DCBLD1: variants seen among roughly 807,000 people sequenced by gnomAD.
DCBLD1 encodes discoidin, CUB and LCCL domain-containing protein 1.
Under a neutral mutation model 71.5 loss-of-function variants are expected in DCBLD1, and 57 were observed. That is an observed-to-expected ratio of 0.80 (90% CI 0.64 to 0.99). The LOEUF is 0.99. DCBLD1 is among the 50% of genes least tolerant of loss of function. The pLI is 0.00. For missense variants in DCBLD1, 891 were observed against 923.5 expected, an observed-to-expected ratio of 0.96 and a Z score of 0.46; for synonymous variants, 380 against 363.8, an observed-to-expected ratio of 1.04 and a Z score of -0.51.
rs1341502140 is a variant in DCBLD1, at chr6:117,541,002, T to A, written c.1334T>A (p.Ile445Asn). ...KKEDETITRP[I>N]PSEETSTGIN... ...GAAGATGAGACAATCACAAGGCCCATCCCCTCGGAAGAAACATCCACAGGT... is the reference window on the plus strand; with the variant it reads ...GAAGATGAGACAATCACAAGGCCCAACCCCTCGGAAGAAACATCCACAGGT... Residue 445 changes from isoleucine (I) to asparagine (N), a missense_variant, in exon 11 of 15, where the codon ATC becomes AAC. Transcript: ENST00000338728. 2 of 1,614,120 alleles carry A rather than the reference T, an allele frequency of 1.2e-6. No homozygotes were observed. Among genetic ancestry groups the A allele is most frequent in the Non-Finnish European group, 8.5e-7 (1 of 1,180,018 alleles).
intron 2 of DCBLD1, among the ~76,000 whole-genome samples, chr6:117,512,079 G>T (rs530548826): frequency 1.5e-4 from 23 of 152,228 alleles, no homozygotes; most frequent in African/African-American, 5.3e-4. Flanking sequence ...GCCTCAAGGA[G>T]AAAAAGCTAT....
chr6:117,521,598 GTGT>G (rs1562447714), intron 4 of DCBLD1, 22 bp downstream of exon 4: 1 of 968,944 alleles, frequency 1.0e-6, no homozygotes, highest in Non-Finnish European at 1.4e-6. Context: ...TATCCTAACT[GTGT>G]TGCAGTCGTG....
intron 4 of DCBLD1, among the ~76,000 whole-genome samples, chr6:117,524,286 G>A (rs117232453): frequency 0.037 from 5,516 of 150,124 alleles, 236 homozygotes; most frequent in South Asian, 0.18. Flanking sequence ...TGCAAACTCC[G>A]CCTCCCAGGT....
intron 6 of DCBLD1, among the ~76,000 whole-genome samples, chr6:117,534,247 C>CAT (rs143748540): frequency 0.11 from 17,092 of 152,212 alleles, 1,098 homozygotes; most frequent in Middle Eastern, 0.16. Flanking sequence ...TAAAATTATA[C>CAT]ATATATACAC....
chr6:117,540,436 T>G, intron 9 of DCBLD1: 1 of 484,380 alleles, frequency 2.1e-6, no homozygotes, highest in South Asian at 2.9e-5. Flanking sequence ...CAATTTTAGC[T>G]TCTTTATCCA....
intron 7 of DCBLD1, among the ~76,000 whole-genome samples, chr6:117,537,512 T>C (rs146735226): frequency 0.091 from 13,277 of 145,680 alleles, 689 homozygotes; most frequent in African/African-American, 0.15. Flanking sequence ...CCAGCCTGGG[T>C]AACAGAGCGA....
Position 117,549,433 on chromosome 6 carries a change from C to G in DCBLD1, c.*994C>G. 1.0e-6 allele frequency: 1 copy of G among 985,342 alleles called. No homozygotes were observed. The highest frequency in any genetic ancestry group is 1.7e-5 in the African/African-American group (1 of 57,308). 61.0% of individuals were successfully genotyped at this position (985,342 alleles called of 1,614,324 possible). On this transcript the variant is annotated 3_prime_UTR_variant, in exon 15 of 15. Coordinates refer to ENST00000338728, the MANE Select transcript of DCBLD1 (RefSeq NM_001366458.2). Reference sequence around the variant, plus strand: ...TCATTTTATAAGAAATGATTTTCCCCTCAAGGAGGCGTCTGTAATTCCAGA... The same window carrying G: ...TCATTTTATAAGAAATGATTTTCCCGTCAAGGAGGCGTCTGTAATTCCAGA...
At chr6:117,551,750 A>G (rs1779431664), downstream of DCBLD1, among the ~76,000 whole-genome samples, 1 of 152,134 alleles carries the variant, frequency 6.6e-6, no homozygotes, top group African/African-American at 2.4e-5. Context: ...CATTCCTAGG[A>G]ATTCATAATA....
intron 1 of DCBLD1, among the ~76,000 whole-genome samples, chr6:117,491,643 C>G (rs1220071080): frequency 1.3e-5 from 2 of 152,068 alleles, no homozygotes; most frequent in East Asian, 3.9e-4. Flanking sequence ...TCAAATTTCC[C>G]AAGCTATCCT....
At chr6:117,549,875 A>T, downstream of DCBLD1, 1 of 985,136 alleles carries the variant, frequency 1.0e-6, no homozygotes, top group Non-Finnish European at 1.2e-6. Context: ...GTAAAAAGGC[A>T]GGTGCCACAG....
rs1253065342 is a variant in DCBLD1, at chr6:117,549,618, A to G, written c.*1179A>G. On this transcript the variant is annotated 3_prime_UTR_variant, in exon 15 of 15. Transcript: ENST00000338728. ...AAAAATTTTTTTCCCTGAAGAATGT[A>G]TTATAACCCTATTTGTGTGGTTATT... 1 of 985,236 alleles carries G rather than the reference A, an allele frequency of 1.0e-6. No homozygotes were observed. The highest frequency in any genetic ancestry group is 1.1e-4 in the East Asian group (1 of 8,830). The allele number at this position is 985,236 out of a possible 1,614,324, so 61.0% of individuals were successfully genotyped here. A position where few individuals can be genotyped will look rare whatever the true frequency, so the allele number is the denominator to read the frequency against.
chr6:117,511,558 G>T (rs1214853512), intron 2 of DCBLD1, among the ~76,000 whole-genome samples: 1 of 152,278 alleles, frequency 6.6e-6, no homozygotes, highest in Middle Eastern at 3.4e-3. Flanking sequence ...GTTACACTAG[G>T]AATGAGAGAA....
intron 11 of DCBLD1, 134 bp from the exon 12 acceptor site, chr6:117,542,990 A>G (rs1026253240): frequency 1.2e-5 from 9 of 733,174 alleles, no homozygotes; most frequent in Non-Finnish European, 9.4e-6. Context: ...AATATCAGTA[A>G]ATGCCTAACA....
Position 117,544,476 on chromosome 6 carries a change from G to C in DCBLD1, c.1446-52G>C, listed in dbSNP as rs1779199894. 9 of 1,586,964 alleles carry C rather than the reference G, an allele frequency of 5.7e-6. No homozygotes were observed. The Admixed American group carries it at 6.8e-5, about 12-fold the overall frequency. ...GATCCTTATGTTATATAGGGAGAGA[G>C]AGGCAGATACATTGGCTTATAAATA... is the stretch of plus-strand genomic sequence containing the variant. On this transcript the variant is annotated intron_variant, in intron 12 of 14. Coordinates refer to ENST00000338728, the MANE Select transcript of DCBLD1 (RefSeq NM_001366458.2).
intron 14 of DCBLD1, among the ~76,000 whole-genome samples, chr6:117,546,874 C>T (rs186070322): frequency 1.3e-5 from 2 of 152,280 alleles, no homozygotes; most frequent in East Asian, 3.9e-4. Flanking sequence ...CCTCAGCAAC[C>T]ACAATCGAAT....
At chr6:117,503,678 A>C (rs527779173) in intron 1 of DCBLD1, 89 bp from the exon 2 acceptor site, 2 of 1,399,460 alleles carry the variant, frequency 1.4e-6, no homozygotes, top group Admixed American at 4.2e-5. Context: ...AATAAAATAC[A>C]TAACTTGGAG....
intron 5 of DCBLD1, among the ~76,000 whole-genome samples, chr6:117,530,332 C>T (rs562510994): frequency 7.2e-5 from 11 of 152,266 alleles, no homozygotes; most frequent in African/African-American, 2.6e-4. Context: ...GAAAGTGTTC[C>T]ACCTCAGATC....
intron 14 of DCBLD1, among the ~76,000 whole-genome samples, chr6:117,558,651 G>T (rs1779527696): frequency 6.6e-6 from 1 of 152,166 alleles, no homozygotes; most frequent in Non-Finnish European, 1.5e-5. Context: ...CAAGCTCCAA[G>T]ATTCATTTCC....
Position 117,548,279 on chromosome 6 carries a change from GGGGCTACGACCGGCCCAAAGCTGTCA to G in DCBLD1, c.1990_2015del (p.Gly664ArgfsTer10). 6.4e-7 allele frequency: 1 copy of G among 1,550,620 alleles called. No homozygotes were observed. Among genetic ancestry groups the G allele is most frequent in the Non-Finnish European group, 8.7e-7 (1 of 1,146,960 alleles). ...CCACACAGCGCACAGCCTGCGGACA[GGGGCTACGACCGGCCCAAAGCTGTCA>G]GCGCCCTCGCCACCGAAAGCGGGCA... On this transcript the variant is annotated frameshift_variant, in exon 15 of 15. Coordinates refer to ENST00000338728, the MANE Select transcript of DCBLD1 (RefSeq NM_001366458.2). LOFTEE classifies it low-confidence loss of function (END_TRUNC).
Sources: gnomAD v4.1 joint callset for allele counts (sites outside exome capture counted in the v4.1 genomes callset) on GRCh38, gnomAD v4.1.1 for gene constraint, MANE v1.5 for transcripts, NCBI Gene and HGNC (gene_info 2026-07-23, HGNC 2026-07-21) for gene names.